Variants in TWNK observed in about 807,000 individuals in gnomAD.
TWNK encodes twinkle mtDNA helicase, also known as T7 gp4-like protein with intramitochondrial nucleoid localization.
In TWNK, 36 loss-of-function variants were observed where a neutral mutation model predicts 58.2. The ratio of observed to expected loss-of-function variants is 0.62; its 90% CI spans 0.47 to 0.82. TWNK has a LOEUF of 0.82. Ranked by LOEUF, TWNK falls within the 40% of genes least tolerant of loss-of-function variation. TWNK has a pLI of 0.00. For missense variants in TWNK, 714 were observed against 881.0 expected, an observed-to-expected ratio of 0.81 and a Z score of 2.40; for synonymous variants, 349 against 348.5, an observed-to-expected ratio of 1.00 and a Z score of -0.02.
rs1851849612 is a variant in TWNK at position 100,993,689 on chromosome 10, C to T, written c.*179C>T. 5 of 683,728 alleles carry T rather than the reference C, an allele frequency of 7.3e-6. No individual in the cohort carries two copies. In the South Asian group the frequency reaches 9.0e-5, roughly 12 times the overall value. 42.4% of individuals were successfully genotyped at this position (683,728 alleles called of 1,614,324 possible). On this transcript the variant is annotated 3_prime_UTR_variant, in exon 5 of 5. Transcript: ENST00000311916. ...AATGTAGCAGACTACTGAGAAACTA[C>T]TGTGTTGCTCAGGCTTTGTTTGAGG...
In TWNK at chr10:100,989,830, G is replaced by A. The variant is rs1364676852; in HGVS notation, c.1430G>A (p.Arg477His). Reference sequence around the variant, plus strand: ...GACAAATATGATCACTGGGCTGACCGCTTTGAGGACCTGCCCCTCTATTTC... The same window carrying A: ...GACAAATATGATCACTGGGCTGACCACTTTGAGGACCTGCCCCTCTATTTC... Reference protein sequence around the residue: ...QLDKYDHWADRFEDLPLYFMT... With the variant: ...QLDKYDHWADHFEDLPLYFMT... The change falls in exon 2 of 5, where the codon CGC (arginine) becomes CAC (histidine). Residue 477 changes from arginine to histidine, a missense_variant. Arg to His is a conservative substitution (Grantham distance 29, BLOSUM62 0). Coordinates refer to ENST00000311916, the MANE Select transcript of TWNK (RefSeq NM_021830.5). This position sits in a 1 kb window ranked among gnomAD's most constrained non-coding sequence, Gnocchi z 7.6. 8.1e-6 allele frequency: 13 copies of A among 1,614,080 alleles called. 1 individual carries two copies. The highest frequency in any genetic ancestry group is 4.5e-5 in the East Asian group (2 of 44,898).
chr10:100,991,264 A>C, intron 4 of TWNK: 1 of 566,870 alleles, frequency 1.8e-6, no homozygotes. Flanking sequence ...GCAATTCAGT[A>C]TGATAAGAGT....
chr10:100,987,992 G>A lies in TWNK; in HGVS notation c.-219G>A, dbSNP rs1349045716. The A allele has an allele frequency of 3.1e-6, 2 of 650,456 alleles. No individual in the cohort carries two copies. Among genetic ancestry groups the A allele is most frequent in the East Asian group, 2.7e-5 (1 of 36,860 alleles). 40.3% of individuals were successfully genotyped at this position (650,456 alleles called of 1,614,324 possible). A position where few individuals can be genotyped will look rare whatever the true frequency, so the allele number is the denominator to read the frequency against. ...GGACCATAGAGGTGGGGGAGCCATT[G>A]TAGAAGGACGTGGACGCGAAAGGGT... is the stretch of plus-strand genomic sequence containing the variant. On this transcript the variant is annotated 5_prime_UTR_variant, in exon 1 of 5. Coordinates refer to ENST00000311916, the MANE Select transcript of TWNK (RefSeq NM_021830.5).
Position 100,989,078 on chromosome 10 carries a change from T to C in TWNK, c.868T>C (p.Leu290=). The C allele has an allele frequency of 1.2e-6, 2 of 1,613,890 alleles. No homozygotes were observed. Among genetic ancestry groups the C allele is most frequent in the Non-Finnish European group, 1.7e-6 (2 of 1,179,860 alleles). ...TLTLPRGTTC[L]PPALLPYLEQ... is the part of the protein sequence containing the mutation. ...TACTCTACCCCGAGGAACGACCTGC[T>C]TACCCCCTGCCTTACTCCCTTACCT... The change falls in exon 1 of 5, where the codon TTA becomes CTA. Residue 290 remains leucine (L), a synonymous_variant. Coordinates refer to ENST00000311916, the MANE Select transcript of TWNK (RefSeq NM_021830.5). The surrounding 1 kb of genome is among the most constrained non-coding windows in gnomAD (Gnocchi z 7.6).
rs376728113 is a variant in TWNK, at chr10:100,989,251, C to T, written c.1041C>T (p.Asn347=). Residue 347 remains asparagine (N), a synonymous_variant, in exon 1 of 5, where the codon AAC becomes AAT. Coordinates refer to ENST00000311916, the MANE Select transcript of TWNK (RefSeq NM_021830.5). This position sits in a 1 kb window ranked among gnomAD's most constrained non-coding sequence, Gnocchi z 7.6. ...AACCCCGTCCCCTGGAGGCCCTGAA[C>T]GGAGGCTTCAATCTTTCTCGTATTC... ...DQQPRPLEAL[N]GGFNLSRILR... is the part of the protein sequence containing the mutation. 5.6e-6 allele frequency: 9 copies of T among 1,614,044 alleles called. No homozygotes were observed. Among genetic ancestry groups the T allele is most frequent in the East Asian group, 2.2e-5 (1 of 44,890 alleles).
Position 100,988,969 on chromosome 10 carries a change from T to A in TWNK, c.759T>A (p.Ile253=), listed in dbSNP as rs562966714. 3.7e-6 allele frequency: 6 copies of A among 1,614,140 alleles called. No individual in the cohort carries two copies. In the African/African-American group the frequency reaches 5.3e-5, roughly 14 times the overall value. ...AYHNLFGLPL[I]SRRDAEVVLT... ...ACAATCTGTTTGGATTACCACTGATTAGTCGTCGAGATGCTGAGGTGGTAC... is the reference window on the plus strand; with the variant it reads ...ACAATCTGTTTGGATTACCACTGATAAGTCGTCGAGATGCTGAGGTGGTAC... The change falls in exon 1 of 5, where the codon ATT becomes ATA. Residue 253 remains isoleucine (I), a synonymous_variant. Transcript: ENST00000311916. The surrounding 1 kb of genome is among the most constrained non-coding windows in gnomAD (Gnocchi z 5.2).
chr10:100,993,085 C>T, intron 4 of TWNK, 105 bp from the exon 5 acceptor site: 1 of 1,209,928 alleles, frequency 8.3e-7, no homozygotes, highest in Non-Finnish European at 1.2e-6. Context: ...TGTACCCAGC[C>T]CCTCTCCCCA....
At chr10:100,992,528 TAAAAAAAAA>T (rs1209775610) in intron 4 of TWNK, among the ~76,000 whole-genome samples, 161 of 91,166 alleles carry the variant, frequency 1.8e-3, no homozygotes, top group Middle Eastern at 0.021. Context: ...ACCCTGTCTT[TAAAAAAAAA>T]AAAAAAAAAA....
Position 100,988,093 on chromosome 10 carries a change from A to C in TWNK, c.-118A>C. The C allele has an allele frequency of 8.6e-7, 1 of 1,160,420 alleles. No homozygotes were observed. The highest frequency in any genetic ancestry group is 1.3e-6 in the Non-Finnish European group (1 of 770,946). 71.9% of individuals were successfully genotyped at this position (1,160,420 alleles called of 1,614,324 possible). A position where few individuals can be genotyped will look rare whatever the true frequency, so the allele number is the denominator to read the frequency against. Reference sequence around the variant, plus strand: ...AGAAATTCATGGAGAGAAAGAATGCACCTAGAGTGAGCTCTGCAGAGTGCT... The same window carrying C: ...AGAAATTCATGGAGAGAAAGAATGCCCCTAGAGTGAGCTCTGCAGAGTGCT... On this transcript the variant is annotated 5_prime_UTR_variant, in exon 1 of 5. Transcript: ENST00000311916. This position sits in a 1 kb window ranked among gnomAD's most constrained non-coding sequence, Gnocchi z 5.2.
At chr10:100,992,528 TAAAAA>T (rs1209775610) in intron 4 of TWNK, among the ~76,000 whole-genome samples, 1 of 91,122 alleles carries the variant, frequency 1.1e-5, no homozygotes, top group Non-Finnish European at 2.1e-5. Flanking sequence ...ACCCTGTCTT[TAAAAA>T]AAAAAAAAAA....
chr10:100,990,591 C>T lies in TWNK; in HGVS notation c.1592+48C>T, dbSNP rs753104581. ...TCTAGCTTGAGCCCGCTTGGACATA[C>T]AACACACACTTCTCAGGCAGCTGGC... is the stretch of plus-strand genomic sequence containing the variant. On this transcript the variant is annotated intron_variant, in intron 3 of 4. Transcript: ENST00000311916. The T allele has an allele frequency of 1.2e-5, 20 of 1,613,204 alleles. No individual in the cohort carries two copies. The South Asian group carries it at 2.2e-4, about 18-fold the overall frequency.
chr10:100,988,103 A>C lies in TWNK; in HGVS notation c.-108A>C. ...GGAGAGAAAGAATGCACCTAGAGTG[A>C]GCTCTGCAGAGTGCTGCGTGGGATA... On this transcript the variant is annotated 5_prime_UTR_variant, in exon 1 of 5. The change abolishes the stop of an existing upstream ORF in the 5' untranslated region. Coordinates refer to ENST00000311916, the MANE Select transcript of TWNK (RefSeq NM_021830.5). This position sits in a 1 kb window ranked among gnomAD's most constrained non-coding sequence, Gnocchi z 5.2. 8.1e-7 allele frequency: 1 copy of C among 1,240,486 alleles called. No individual in the cohort carries two copies. The highest frequency in any genetic ancestry group is 1.2e-6 in the Non-Finnish European group (1 of 842,710). 76.8% of individuals were successfully genotyped at this position (1,240,486 alleles called of 1,614,324 possible). A position where few individuals can be genotyped will look rare whatever the true frequency, so the allele number is the denominator to read the frequency against.
chr10:100,987,908 T>C lies in TWNK; in HGVS notation c.-303T>C, dbSNP rs1851618622. 3.3e-6 allele frequency: 2 copies of C among 600,276 alleles called. No homozygotes were observed. The highest frequency in any genetic ancestry group is 4.1e-5 in the South Asian group (2 of 49,078). 37.2% of individuals were successfully genotyped at this position (600,276 alleles called of 1,614,324 possible). ...GAGAAGATGATGCAAAGAAACTGTGTCAGTGAGGAACTGTATAGAGGGTCA... is the reference window on the plus strand; with the variant it reads ...GAGAAGATGATGCAAAGAAACTGTGCCAGTGAGGAACTGTATAGAGGGTCA... On this transcript the variant is annotated 5_prime_UTR_variant, in exon 1 of 5. Transcript: ENST00000311916.
Position 100,988,947 on chromosome 10 carries a change from A to G in TWNK, c.737A>G (p.Asn246Ser), listed in dbSNP as rs754081544. ...TTIPRPSAYH[N>S]LFGLPLISRR... Reference sequence around the variant, plus strand: ...ATTCCCCGACCCAGCGCCTACCACAATCTGTTTGGATTACCACTGATTAGT... The same window carrying G: ...ATTCCCCGACCCAGCGCCTACCACAGTCTGTTTGGATTACCACTGATTAGT... The change falls in exon 1 of 5, where the codon AAT becomes AGT. Residue 246 changes from asparagine (N) to serine (S), a missense_variant. Physicochemically the swap from Asn to Ser is conservative, Grantham distance 46. Around this residue, in one of 3 missense-constraint regions of TWNK, gnomAD observed 348 missense variants for 388.4 expected, o/e 0.90. Coordinates refer to ENST00000311916, the MANE Select transcript of TWNK (RefSeq NM_021830.5). This position sits in a 1 kb window ranked among gnomAD's most constrained non-coding sequence, Gnocchi z 5.2. 32 of 1,613,974 alleles carry G rather than the reference A, an allele frequency of 2.0e-5. No homozygotes were observed. The highest frequency in any genetic ancestry group is 2.5e-5 in the Non-Finnish European group (29 of 1,180,004).
Position 100,989,554 on chromosome 10 carries a change from C to T in TWNK, c.1244-90C>T. The T allele has an allele frequency of 3.7e-6, 6 of 1,610,066 alleles. No individual in the cohort carries two copies. The highest frequency in any genetic ancestry group is 2.0e-4 in the Middle Eastern group (1 of 5,000). ...TGACAATGTTGAAAAGAAGGTTGGC[C>T]CTTTCCCCCCAGTTTTAAAGCCCTG... On this transcript the variant is annotated intron_variant, in intron 1 of 4. Transcript: ENST00000311916. The surrounding 1 kb of genome is among the most constrained non-coding windows in gnomAD (Gnocchi z 7.6).
chr10:100,988,559 C>G lies in TWNK; in HGVS notation c.349C>G (p.Leu117Val). Reference protein sequence around the residue: ...TTGHFLCMTSLAEGSWEDFQA... With the variant: ...TTGHFLCMTSVAEGSWEDFQA... ...AGGCCACTTTCTCTGCATGACCAGC[C>G]TAGCAGAAGGGAGCTGGGAAGACTT... Residue 117 changes from leucine to valine, a missense_variant, in exon 1 of 5, where the codon CTA (leucine) becomes GTA (valine). Coordinates refer to ENST00000311916, the MANE Select transcript of TWNK (RefSeq NM_021830.5). The surrounding 1 kb of genome is among the most constrained non-coding windows in gnomAD (Gnocchi z 5.2). 1 of 1,614,128 alleles carries G rather than the reference C, an allele frequency of 6.2e-7. No homozygotes were observed.
intron 4 of TWNK, among the ~76,000 whole-genome samples, chr10:100,992,944 G>A (rs971566693): frequency 6.6e-6 from 1 of 152,096 alleles, no homozygotes; most frequent in African/African-American, 2.4e-5. Context: ...ATGCCACCAT[G>A]CCCAGCTAAT....
rs1176956387 is a variant in TWNK at position 100,990,855 on chromosome 10, T to C, written c.1593-14T>C. On this transcript the variant is annotated splice_polypyrimidine_tract_variant and intron_variant, in intron 3 of 4. Coordinates refer to ENST00000311916, the MANE Select transcript of TWNK (RefSeq NM_021830.5). ...TGTGTCTGATAAGCTCTTTGTGTTG[T>C]TGGGATGGCGTAGGATCGCAGCTCA... The C allele has an allele frequency of 1.2e-6, 2 of 1,614,102 alleles. No individual in the cohort carries two copies. Among genetic ancestry groups the C allele is most frequent in the Non-Finnish European group, 1.7e-6 (2 of 1,179,954 alleles).
At position 100,993,318 on chromosome 10, in the gene TWNK, C is replaced by G. The variant is rs1851836491; in HGVS notation, c.1863C>G (p.Phe621Leu). The change falls in exon 5 of 5, where the codon TTC becomes TTG. Residue 621 changes from phenylalanine to leucine, a missense_variant. Physicochemically the swap from Phe to Leu is conservative, Grantham distance 22. Around this residue, in one of 3 missense-constraint regions of TWNK, gnomAD observed 302 missense variants for 438.6 expected, o/e 0.69. Transcript: ENST00000311916. ...ATGTAGGTGTCTTCCCGCTTGAGTT[C>G]AACAAGAACTCCCTCACCTTCTCCA... ...DGDVGVFPLE[F>L]NKNSLTFSIP... 6.2e-7 allele frequency: 1 copy of G among 1,614,118 alleles called. No homozygotes were observed. Among genetic ancestry groups the G allele is most frequent in the Non-Finnish European group, 8.5e-7 (1 of 1,180,056 alleles).
Sources: gnomAD v4.1 joint callset for allele counts (sites outside exome capture counted in the v4.1 genomes callset) on GRCh38, gnomAD v4.1.1 for gene constraint, gnomAD v4.1.1 regional missense constraint, Gnocchi (gnomAD v3.1) non-coding constraint, MANE v1.5 for transcripts, NCBI Gene and HGNC (gene_info 2026-07-23, HGNC 2026-07-21) for gene names.